CIAO2A: variants seen among roughly 807,000 people sequenced by gnomAD.
CIAO2A encodes MIP18 family protein FAM96A.
Under a neutral mutation model 22.4 loss-of-function variants are expected in CIAO2A, and 17 were observed. The observed-to-expected ratio is 0.76, with a 90% confidence interval of 0.52 to 1.14. The LOEUF is 1.14. Among genes scored for constraint, CIAO2A ranks in the 50% most tolerant of loss-of-function variants. The pLI is 0.00. For synonymous variants in CIAO2A, 74 were observed against 72.3 expected, an observed-to-expected ratio of 1.02 and a Z score of -0.12; for missense variants, 192 against 191.4, an observed-to-expected ratio of 1.00 and a Z score of -0.02.
At chr15:64,079,041 T>TA (rs1347820247) in intron 3 of CIAO2A, among the ~76,000 whole-genome samples, 3 of 144,670 alleles carry the variant, frequency 2.1e-5, no homozygotes, top group Admixed American at 6.9e-5. Flanking sequence ...ACCCTGTCTT[T>TA]AAAAAAAACA....
At chr15:64,092,713 T>A (rs1343879468) in intron 1 of CIAO2A, among the ~76,000 whole-genome samples, 1 of 152,232 alleles carries the variant, frequency 6.6e-6, no homozygotes, top group Admixed American at 6.5e-5. Context: ...GTCAACCAAA[T>A]TAGCTCCCAG....
At chr15:64,073,547 G>A (rs1219177847) in intron 4 of CIAO2A, among the ~76,000 whole-genome samples, 2 of 151,946 alleles carry the variant, frequency 1.3e-5, no homozygotes, top group Non-Finnish European at 2.9e-5. Flanking sequence ...AGTTTATATT[G>A]TCAACACCAA....
At chr15:64,076,360 C>A (rs532898790) in intron 3 of CIAO2A, among the ~76,000 whole-genome samples, 2 of 152,146 alleles carry the variant, frequency 1.3e-5, no homozygotes, top group African/African-American at 2.4e-5. Flanking sequence ...CTTCACATTG[C>A]TTGTTTTACA....
At chr15:64,074,390 T>C (rs1193255261) in intron 4 of CIAO2A, 1 of 152,242 alleles carries the variant, frequency 6.6e-6, no homozygotes, top group Non-Finnish European at 1.5e-5. Context: ...TAGAAGGCAC[T>C]TAATAAATAC....
intron 2 of CIAO2A, among the ~76,000 whole-genome samples, chr15:64,086,166 T>C (rs1567307555): frequency 6.6e-6 from 1 of 151,428 alleles, no homozygotes; most frequent in Non-Finnish European, 1.5e-5. Context: ...CCCAGCACTT[T>C]GGGAGGCCGA....
At chr15:64,092,859 A>G (rs1012805601) in intron 1 of CIAO2A, among the ~76,000 whole-genome samples, 4 of 152,248 alleles carry the variant, frequency 2.6e-5, no homozygotes, top group African/African-American at 9.6e-5. Context: ...AATTAAAAAA[A>G]CAAACAAACA....
intron 1 of CIAO2A, among the ~76,000 whole-genome samples, chr15:64,092,555 G>A (rs905831785): frequency 6.6e-6 from 1 of 152,174 alleles, no homozygotes; most frequent in Non-Finnish European, 1.5e-5. Flanking sequence ...CTCTTCCAAA[G>A]TTGTATCTCC....
intron 3 of CIAO2A, among the ~76,000 whole-genome samples, chr15:64,077,332 C>T (rs956075488): frequency 2.7e-5 from 4 of 150,348 alleles, no homozygotes; most frequent in African/African-American, 7.3e-5. Context: ...AAACACCTTT[C>T]TCCTAGTAGC....
At chr15:64,089,894 G>A (rs528839491) in intron 1 of CIAO2A, among the ~76,000 whole-genome samples, 1 of 152,320 alleles carries the variant, frequency 6.6e-6, no homozygotes. Flanking sequence ...ATTTTGAGGT[G>A]CTTAAGGGGT....
At chr15:64,076,729 T>C (rs1441761165) in intron 3 of CIAO2A, among the ~76,000 whole-genome samples, 1 of 150,500 alleles carries the variant, frequency 6.6e-6, no homozygotes, top group Non-Finnish European at 1.5e-5. Flanking sequence ...CAATCTTTTT[T>C]TTTTTTTTTT....
rs763176494 is a variant in CIAO2A at position 64,075,447 on chromosome 15, T to C, written c.385+45A>G. On this transcript the variant is annotated intron_variant, in intron 4 of 4. Transcript: ENST00000300030. Reference sequence around the variant, plus strand: ...GAAGAATCCAGTATCCAAGATAAAATACTATCTGAAGTTGTTTTTCAATTA... The same window carrying C: ...GAAGAATCCAGTATCCAAGATAAAACACTATCTGAAGTTGTTTTTCAATTA... 4 of 1,274,742 alleles carry C rather than the reference T, an allele frequency of 3.1e-6. No homozygotes were observed. In the Admixed American group the frequency reaches 9.0e-5, roughly 29 times the overall value. 79.0% of individuals were successfully genotyped at this position (1,274,742 alleles called of 1,614,324 possible).
At position 64,085,430 on chromosome 15, in the gene CIAO2A, G is replaced by C. The variant is rs192832513; in HGVS notation, c.289+3257C>G. Among the ~76,000 whole-genome samples, 503 of 152,248 alleles carry C rather than the reference G, an allele frequency of 3.3e-3. 2 individuals carry two copies. The highest frequency in any genetic ancestry group is 0.017 in the Middle Eastern group (5 of 294). On this transcript the variant is annotated intron_variant, in intron 2 of 4. Coordinates refer to ENST00000300030, the MANE Select transcript of CIAO2A (RefSeq NM_032231.7). ...GGAGGATCACTTGAGCCCGGGAGGT[G>C]GAGGCTGCCTGCAGTGAGCCGAGAT...
At chr15:64,088,612 T>C (rs2080815381) in intron 2 of CIAO2A, 75 bp downstream of exon 2, 1 of 1,210,928 alleles carries the variant, frequency 8.3e-7, no homozygotes, top group African/African-American at 1.5e-5. Context: ...TGATGCAAAT[T>C]GTTATTATGG....
intron 4 of CIAO2A, chr15:64,074,640 C>T (rs1407867061): frequency 6.6e-6 from 1 of 152,156 alleles, no homozygotes; most frequent in Non-Finnish European, 1.5e-5. Context: ...GTTTTCATGA[C>T]AGTACCTAAA....
chr15:64,093,503 A>C, intron 1 of CIAO2A, 142 bp downstream of exon 1: 10 of 993,124 alleles, frequency 1.0e-5, no homozygotes, highest in South Asian at 1.9e-5. Flanking sequence ...GCCCCGGACA[A>C]GATCTGGCCA....
chr15:64,085,080 AAAAAATAAAAT>A, intron 2 of CIAO2A, among the ~76,000 whole-genome samples: 1 of 106,218 alleles, frequency 9.4e-6, no homozygotes, highest in East Asian at 3.1e-4. Context: ...ACTCTGTCTC[AAAAAATAAAAT>A]AAAATAAAAT....
intron 1 of CIAO2A, among the ~76,000 whole-genome samples, chr15:64,092,856 AAAAC>A (rs1430171189): frequency 5.2e-5 from 8 of 152,382 alleles, no homozygotes; most frequent in South Asian, 4.1e-4. Context: ...CATAATTAAA[AAAAC>A]AAACAAACAA....
At chr15:64,075,667 T>C (rs1232608718) in intron 3 of CIAO2A, 130 bp from the exon 4 acceptor site, 1 of 508,426 alleles carries the variant, frequency 2.0e-6, no homozygotes, top group Non-Finnish European at 3.3e-6. Context: ...TTTTTTTTTT[T>C]TGAGATGGAG....
At chr15:64,081,648 T>C (rs1236376340) in intron 2 of CIAO2A, among the ~76,000 whole-genome samples, 1 of 151,056 alleles carries the variant, frequency 6.6e-6, no homozygotes, top group African/African-American at 2.4e-5. Flanking sequence ...GCAATTCTCC[T>C]GCCTCAGCCT....
Sources: gnomAD v4.1 joint callset for allele counts (sites outside exome capture counted in the v4.1 genomes callset) on GRCh38, gnomAD v4.1.1 for gene constraint, MANE v1.5 for transcripts, NCBI Gene and HGNC (gene_info 2026-07-23, HGNC 2026-07-21) for gene names.